The following AGBL1 variants were observed in gnomAD, a reference collection of about 807,000 sequenced individuals.
AGBL1 encodes cytosolic carboxypeptidase 4.
In AGBL1, 130 loss-of-function variants were observed where a neutral mutation model predicts 118.9. The observed-to-expected ratio is 1.09, with a 90% CI of 0.95 to 1.26. The LOEUF is 1.26. AGBL1 is among the 50% of genes most tolerant of loss of function. The probability of loss-of-function intolerance (pLI) is 0.00; values close to 1 mark genes in which losing one functional copy is unlikely to be tolerated. For missense variants in AGBL1, 1,584 were observed against 1,298.1 expected (o/e 1.22, Z -3.38); for synonymous variants, 555 against 478.9 (o/e 1.16, Z -2.08).
At chr15:86,690,604 C>T (rs945141292) in intron 22 of AGBL1, among the ~76,000 whole-genome samples, 1 of 152,068 alleles carries the variant, frequency 6.6e-6, no homozygotes, top group Admixed American at 6.6e-5. Flanking sequence ...AAATTTATCT[C>T]GAATCATTAG....
At chr15:86,114,147 C>G (rs1897609602) in intron 1 of AGBL1, among the ~76,000 whole-genome samples, 1 of 152,224 alleles carries the variant, frequency 6.6e-6, no homozygotes, top group Non-Finnish European at 1.5e-5. Flanking sequence ...TGTTTCTAGT[C>G]TTGTTGAACA....
At chr15:86,209,922 C>G (rs978949813) in intron 5 of AGBL1, among the ~76,000 whole-genome samples, 1 of 152,160 alleles carries the variant, frequency 6.6e-6, no homozygotes, top group East Asian at 1.9e-4. Context: ...ATGGTCTTTA[C>G]AATTTGGCAT....
intron 17 of AGBL1, among the ~76,000 whole-genome samples, chr15:86,367,441 G>A (rs904108214): frequency 6.6e-6 from 1 of 152,122 alleles, no homozygotes; most frequent in African/African-American, 2.4e-5. Context: ...ACTGATTTTT[G>A]TGCCAGTTTT....
intron 22 of AGBL1, among the ~76,000 whole-genome samples, chr15:86,894,968 G>A (rs1288071280): frequency 6.6e-6 from 1 of 151,472 alleles, no homozygotes; most frequent in Admixed American, 6.7e-5. Context: ...ATTAAGTGGT[G>A]GCAGGACACA....
intron 22 of AGBL1, among the ~76,000 whole-genome samples, chr15:86,704,913 A>G (rs1162981638): frequency 6.6e-6 from 1 of 152,236 alleles, no homozygotes; most frequent in Non-Finnish European, 1.5e-5. Flanking sequence ...CAAGATAAAG[A>G]AAATGTGGCA....
At chr15:86,597,665 A>G (rs1403290406) in intron 21 of AGBL1, among the ~76,000 whole-genome samples, 1 of 152,188 alleles carries the variant, frequency 6.6e-6, no homozygotes, top group Admixed American at 6.6e-5. Context: ...TTCAAATGAG[A>G]ATAGACAGAG....
intron 5 of AGBL1, among the ~76,000 whole-genome samples, chr15:86,213,222 A>G (rs2078130204): frequency 6.6e-6 from 1 of 152,174 alleles, no homozygotes; most frequent in South Asian, 2.1e-4. Context: ...TGTTTATGAA[A>G]TCTTTTCTTG....
chr15:86,738,643 C>A (rs530310885), intron 22 of AGBL1, among the ~76,000 whole-genome samples: 25 of 152,224 alleles, frequency 1.6e-4, no homozygotes, highest in African/African-American at 5.8e-4. Context: ...AATATTCTGG[C>A]AATAGAATAT....
At chr15:86,662,845 G>T (rs575228690) in intron 21 of AGBL1, among the ~76,000 whole-genome samples, 1 of 152,180 alleles carries the variant, frequency 6.6e-6, no homozygotes, top group East Asian at 1.9e-4. Context: ...CGCATGACCA[G>T]TGAAGATATG....
chr15:86,257,706 G>A (rs752725406), intron 8 of AGBL1, among the ~76,000 whole-genome samples: 2 of 152,152 alleles, frequency 1.3e-5, no homozygotes, highest in Admixed American at 1.3e-4. Context: ...GTATTCATGT[G>A]TCATTTTTTC....
At chr15:86,519,380 A>G (rs1332777852) in intron 18 of AGBL1, among the ~76,000 whole-genome samples, 1 of 152,168 alleles carries the variant, frequency 6.6e-6, no homozygotes, top group African/African-American at 2.4e-5. Context: ...TTCTCCCCCC[A>G]TAGAAGGAGC....
At chr15:86,765,040 G>A (rs16977963) in intron 22 of AGBL1, among the ~76,000 whole-genome samples, 2,249 of 152,016 alleles carry the variant, frequency 0.015, 57 homozygotes, top group African/African-American at 0.051. Flanking sequence ...GGGAGAAGAA[G>A]CTTGGAAAAA....
At position 86,324,278 on chromosome 15, in the gene AGBL1, A is replaced by T. The variant is rs761664397; in HGVS notation, c.2374+28870A>T. 2.0e-5 allele frequency among the ~76,000 whole-genome samples: 3 copies of T among 152,340 alleles called. No homozygotes were observed. In the East Asian group the frequency reaches 5.8e-4, roughly 29 times the overall value. ...GCAAATTAGAGATGAAGTATAAAGA[A>T]GGGAGCTTAAAACTCTACCCGGGAA... On this transcript the variant is annotated intron_variant, in intron 17 of 22. Coordinates refer to ENST00000614907, the MANE Select transcript of AGBL1 (RefSeq NM_001386094.1).
intron 17 of AGBL1, among the ~76,000 whole-genome samples, chr15:86,310,934 T>C (rs1346413495): frequency 6.6e-6 from 1 of 152,140 alleles, no homozygotes; most frequent in Non-Finnish European, 1.5e-5. Context: ...TCCCGTTCTG[T>C]GAATTAAGAG....
At chr15:86,466,029 C>A (rs1014324989) in intron 18 of AGBL1, among the ~76,000 whole-genome samples, 1 of 152,158 alleles carries the variant, frequency 6.6e-6, no homozygotes, top group Non-Finnish European at 1.5e-5. Flanking sequence ...CCCCTGGAGA[C>A]CCAGCTGTAA....
chr15:86,818,149 G>T (rs959719483), intron 22 of AGBL1, among the ~76,000 whole-genome samples: 49 of 152,266 alleles, frequency 3.2e-4, no homozygotes, highest in Non-Finnish European at 2.9e-5. Flanking sequence ...GAGAGTGTTG[G>T]GAGATGGTAT....
At chr15:86,208,720 A>C (rs1405861585) in intron 5 of AGBL1, among the ~76,000 whole-genome samples, 2 of 151,384 alleles carry the variant, frequency 1.3e-5, no homozygotes, top group Non-Finnish European at 2.9e-5. Context: ...TTTCTTCTTT[A>C]TTAGTCTTGC....
chr15:86,637,614 T>C (rs1200767530), intron 21 of AGBL1, among the ~76,000 whole-genome samples: 1 of 152,202 alleles, frequency 6.6e-6, no homozygotes, highest in Non-Finnish European at 1.5e-5. Context: ...CAGAAAGCAG[T>C]ACTAGCAAAG....
chr15:86,718,260 C>G (rs886222342), intron 22 of AGBL1, among the ~76,000 whole-genome samples: 40 of 151,920 alleles, frequency 2.6e-4, no homozygotes, highest in African/African-American at 9.4e-4. Flanking sequence ...AAGCTGGAAA[C>G]AATCATTCTG....
Sources: gnomAD v4.1 joint callset for allele counts (sites outside exome capture counted in the v4.1 genomes callset) on GRCh38, gnomAD v4.1.1 for gene constraint, MANE v1.5 for transcripts, NCBI Gene and HGNC (gene_info 2026-07-23, HGNC 2026-07-21) for gene names.